The following RRBP1 variants were observed in gnomAD, a reference collection of about 807,000 sequenced individuals.
The protein encoded by RRBP1 is ribosome binding protein 1.
In RRBP1, 94 loss-of-function variants were observed where a neutral mutation model predicts 165.2. The observed-to-expected ratio is 0.57, with a 90% CI of 0.48 to 0.68. RRBP1 has a LOEUF of 0.68. RRBP1 is among the 30% of genes least tolerant of loss of function. The probability of loss-of-function intolerance (pLI) is 0.00; values close to 1 mark genes in which losing one functional copy is unlikely to be tolerated. For synonymous variants in RRBP1, 680 were observed against 714.5 expected (o/e 0.95, Z 0.77); for missense variants, 1,676 against 1,763.0 (o/e 0.95, Z 0.88).
intron 8 of RRBP1, among the ~76,000 whole-genome samples, chr20:17,630,260 CA>C (rs1224040675): frequency 6.6e-6 from 1 of 152,152 alleles, no homozygotes; most frequent in Non-Finnish European, 1.5e-5. Context: ...TGCAAGAGTC[CA>C]AAGATACTGA....
chr20:17,629,610 G>A (rs776693085), intron 9 of RRBP1, among the ~76,000 whole-genome samples: 49 of 147,112 alleles, frequency 3.3e-4, no homozygotes, highest in Non-Finnish European at 6.1e-4. Context: ...CCCCACCTCT[G>A]GACTGCGCCT....
Position 17,658,718 on chromosome 20 carries a change from C to A in RRBP1, c.1790G>T (p.Gly597Val). 2.5e-6 allele frequency: 4 copies of A among 1,614,246 alleles called. No homozygotes were observed. The highest frequency in any genetic ancestry group is 3.4e-6 in the Non-Finnish European group (4 of 1,180,044). Reference protein sequence around the residue: ...GKKADAAANQGKKTESASVQG... With the variant: ...GKKADAAANQVKKTESASVQG... ...GACAGAAGCTGACTCTGTCTTTTTA[C>A]CCTGATTGGCAGCTGCGTCTGCCTT... is the stretch of plus-strand genomic sequence containing the variant. The change falls in exon 3 of 25, where the codon GGT becomes GTT. Residue 597 changes from glycine (G) to valine (V), a missense_variant. By Grantham distance (109) the Gly-to-Val change is moderately radical. Coordinates refer to ENST00000377813, the MANE Select transcript of RRBP1 (RefSeq NM_001365613.2).
Position 17,633,506 on chromosome 20 carries a change from A to G in RRBP1, c.2564T>C (p.Leu855Pro), listed in dbSNP as rs750668889. The G allele has an allele frequency of 6.2e-7, 1 of 1,614,022 alleles. No individual in the cohort carries two copies. The highest frequency in any genetic ancestry group is 8.5e-7 in the Non-Finnish European group (1 of 1,180,036). ...VRQDEQQRKA[L>P]EAKAAAFEKQ... ...CTCGAAGGCAGCTGCCTTGGCTTCC[A>G]GAGCTTTCCGCTGCTGCTCATCTTG... The change falls in exon 8 of 25, where the codon CTG becomes CCG. Residue 855 changes from leucine (L) to proline (P), a missense_variant. By Grantham distance (98) the Leu-to-Pro change is moderately conservative. This residue lies in a region of RRBP1 where 1,184 missense variants were observed against 1,167.1 expected (regional missense o/e 1.01). Transcript: ENST00000377813.
rs143190427 is a variant in RRBP1, at chr20:17,618,637, C to T, written c.3718G>A (p.Ala1240Thr). 3.6e-5 allele frequency: 58 copies of T among 1,613,848 alleles called. No individual in the cohort carries two copies. Among genetic ancestry groups the T allele is most frequent in the African/African-American group, 8.0e-5 (6 of 74,908 alleles). ...CTCTGTTTCTGGGCTTCGCTCTTGG[C>T]GGCATCGAGCTGAGATTGAGATTCT... Reference protein sequence around the residue: ...LLESQSQLDAAKSEAQKQSDE... With the variant: ...LLESQSQLDATKSEAQKQSDE... Residue 1240 changes from alanine (A) to threonine (T), a missense_variant, in exon 20 of 25, where the codon GCC becomes ACC. Transcript: ENST00000377813.
chr20:17,633,392 T>G (rs1025633304), intron 8 of RRBP1, 68 bp downstream of exon 8: 1 of 1,538,532 alleles, frequency 6.5e-7, no homozygotes, highest in Admixed American at 1.8e-5. Context: ...CCTGGGCCCA[T>G]CCCCGCTATG....
At chr20:17,642,573 G>T (rs909077831) in intron 4 of RRBP1, among the ~76,000 whole-genome samples, 1 of 152,178 alleles carries the variant, frequency 6.6e-6, no homozygotes, top group African/African-American at 2.4e-5. Context: ...CCAGAGGCAC[G>T]AGATAGCTCA....
intron 2 of RRBP1, among the ~76,000 whole-genome samples, chr20:17,669,548 G>A (rs1406671919): frequency 2.0e-5 from 3 of 152,208 alleles, no homozygotes; most frequent in Admixed American, 1.3e-4. Context: ...GGTAAGTGAT[G>A]AATCAATCGT....
At chr20:17,656,787 T>C (rs1386377922) in intron 3 of RRBP1, among the ~76,000 whole-genome samples, 2 of 152,362 alleles carry the variant, frequency 1.3e-5, no homozygotes, top group Non-Finnish European at 2.9e-5. Context: ...GGAATAATGG[T>C]AGACCACTAA....
At position 17,633,397 on chromosome 20, in the gene RRBP1, G is replaced by A. The variant is rs188420270; in HGVS notation, c.2610+63C>T. On this transcript the variant is annotated intron_variant, in intron 8 of 24. Transcript: ENST00000377813. Reference sequence around the variant, plus strand: ...GCACGGCCAGCCTGGGCCCATCCCCGCTATGCAGACAGGCTTGCTGGGCAG... The same window carrying A: ...GCACGGCCAGCCTGGGCCCATCCCCACTATGCAGACAGGCTTGCTGGGCAG... 2.8e-5 allele frequency: 43 copies of A among 1,558,674 alleles called. No homozygotes were observed. The highest frequency in any genetic ancestry group is 3.5e-5 in the Non-Finnish European group (40 of 1,147,648).
At chr20:17,641,949 G>C in intron 4 of RRBP1, 30 bp from the exon 5 acceptor site, 2 of 1,599,956 alleles carry the variant, frequency 1.3e-6, no homozygotes, top group Non-Finnish European at 1.7e-6. Context: ...CGTTAACAGA[G>C]GGGACAAATG....
chr20:17,674,526 G>A (rs546357002), intron 2 of RRBP1, among the ~76,000 whole-genome samples: 140 of 152,266 alleles, frequency 9.2e-4, no homozygotes, highest in Non-Finnish European at 1.5e-3. Flanking sequence ...CACTTTGGGA[G>A]GCCGAGGCAG....
At position 17,678,271 on chromosome 20, in the gene RRBP1, T is replaced by C. The variant is rs1568794042; in HGVS notation, c.-22+1728A>G. ...GCACTGTCACTTAAAATTAAATATT[T>C]ACCTTCCCTTACAAGCCATCACTTT... On this transcript the variant is annotated intron_variant, in intron 2 of 24. Transcript: ENST00000377813. Among the ~76,000 whole-genome samples, 3 of 152,334 alleles carry C rather than the reference T, an allele frequency of 2.0e-5. No individual in the cohort carries two copies. The South Asian group carries it at 6.2e-4, about 32-fold the overall frequency.
Position 17,614,078 on chromosome 20 carries a change from A to C in RRBP1, c.*104T>G. On this transcript the variant is annotated 3_prime_UTR_variant, in exon 25 of 25. Transcript: ENST00000377813. ...CATGGCTTCTCTCGGAGCTACCGGA[A>C]GTTGGGCCTGGATAACGCTGTGTAG... 1.8e-6 allele frequency: 2 copies of C among 1,131,616 alleles called. No homozygotes were observed. Among genetic ancestry groups the C allele is most frequent in the Non-Finnish European group, 2.7e-6 (2 of 746,390 alleles). The allele number at this position is 1,131,616 out of a possible 1,614,324, so 70.1% of individuals were successfully genotyped here.
intron 3 of RRBP1, among the ~76,000 whole-genome samples, chr20:17,657,127 C>T (rs2036658842): frequency 6.6e-6 from 1 of 152,238 alleles, no homozygotes; most frequent in Admixed American, 6.5e-5. Flanking sequence ...TGATTCTCAG[C>T]TCCATCCCCA....
Position 17,627,353 on chromosome 20 carries a change from C to T in RRBP1, c.2958G>A (p.Gln986=). ...QASQAEADQQ[Q]TRLKELESQV... ...AGGCTGCTTCCCCAGCTTACCGAGT[C>T]TGCTGCTGGTCAGCCTCCGCCTGGC... Residue 986 remains glutamine, a synonymous_variant, in exon 11 of 25, where the codon CAG becomes CAA. Transcript: ENST00000377813. 2 of 1,613,562 alleles carry T rather than the reference C, an allele frequency of 1.2e-6. No homozygotes were observed. Among genetic ancestry groups the T allele is most frequent in the Non-Finnish European group, 1.7e-6 (2 of 1,179,960 alleles).
In RRBP1 at chr20:17,643,122, G is replaced by A. The variant is rs775423593; in HGVS notation, c.1918C>T (p.Pro640Ser). Residue 640 changes from proline to serine, a missense_variant, in exon 4 of 25, where the codon CCA (proline) becomes TCA (serine). This residue lies in a region of RRBP1 where 1,184 missense variants were observed against 1,167.1 expected (regional missense o/e 1.01). Coordinates refer to ENST00000377813, the MANE Select transcript of RRBP1 (RefSeq NM_001365613.2). This position sits in a 1 kb window ranked among gnomAD's most constrained non-coding sequence, Gnocchi z 4.3. ...GSKKKGEPGP[P>S]DADGPLYLPY... The stretch of plus-strand genomic sequence containing the variant: ...AGGTAGAGAGGGCCGTCGGCATCTG[G>A]GGGCCCTGTGCAGCAAGAGGGAAAG... 1.9e-6 allele frequency: 3 copies of A among 1,613,678 alleles called. No homozygotes were observed. Among genetic ancestry groups the A allele is most frequent in the Admixed American group, 1.7e-5 (1 of 60,008 alleles).
In RRBP1 at chr20:17,643,173, C is replaced by A. The variant is rs747957678; in HGVS notation, c.1913-46G>T. 17 of 1,595,740 alleles carry A rather than the reference C, an allele frequency of 1.1e-5. No homozygotes were observed. The highest frequency in any genetic ancestry group is 1.5e-5 in the Non-Finnish European group (17 of 1,170,792). On this transcript the variant is annotated intron_variant, in intron 3 of 24. Transcript: ENST00000377813. This position sits in a 1 kb window ranked among gnomAD's most constrained non-coding sequence, Gnocchi z 4.3. ...AGCTGAGACTTAGGCCCATAAGCCA[C>A]AACACACGTGGCCACAATGCCCATC...
At chr20:17,631,561 C>G (rs933167555) in intron 8 of RRBP1, among the ~76,000 whole-genome samples, 1 of 152,278 alleles carries the variant, frequency 6.6e-6, no homozygotes, top group African/African-American at 2.4e-5. Flanking sequence ...TCACACTGAA[C>G]AATTTCAGAA....
At chr20:17,653,950 C>A (rs2036603337) in intron 3 of RRBP1, among the ~76,000 whole-genome samples, 1 of 152,050 alleles carries the variant, frequency 6.6e-6, no homozygotes, top group African/African-American at 2.4e-5. Context: ...ACATTAATAT[C>A]AGATACCCAC....
Sources: gnomAD v4.1 joint callset for allele counts (sites outside exome capture counted in the v4.1 genomes callset) on GRCh38, gnomAD v4.1.1 for gene constraint, gnomAD v4.1.1 regional missense constraint, Gnocchi (gnomAD v3.1) non-coding constraint, MANE v1.5 for transcripts, NCBI Gene and HGNC (gene_info 2026-07-23, HGNC 2026-07-21) for gene names.